The following ZEB2 variants were observed in gnomAD, a reference collection of about 807,000 sequenced individuals.
ZEB2 encodes the protein zinc finger E-box-binding homeobox 2.
In ZEB2, 6 loss-of-function variants were observed where a neutral mutation model predicts 99.9. That is an observed-to-expected ratio of 0.06 (90% confidence interval 0.03 to 0.12). The LOEUF (loss-of-function observed/expected upper bound fraction) is 0.12, where lower values mean the gene tolerates loss of function less well. Among genes scored for constraint, ZEB2 ranks in the 10% least tolerant of loss-of-function variants. ZEB2 has a pLI of 1.00. For missense variants in ZEB2, 969 were observed against 1,502.8 expected, an observed-to-expected ratio of 0.64 and a Z score of 5.87; for synonymous variants, 517 against 542.5, an observed-to-expected ratio of 0.95 and a Z score of 0.65.
At chr2:144,400,416 AC>A in intron 7 of ZEB2, 146 bp from the exon 8 acceptor site, 1 of 888,496 alleles carries the variant, frequency 1.1e-6, no homozygotes, top group Non-Finnish European at 1.7e-6. Flanking sequence ...GAATTATGTG[AC>A]CATAACCATT....
intron 2 of ZEB2, among the ~76,000 whole-genome samples, chr2:144,431,880 G>A (rs1388347452): frequency 6.6e-6 from 1 of 151,100 alleles, no homozygotes; most frequent in Non-Finnish European, 1.5e-5. Context: ...TAAGGCCTGG[G>A]AAGCTTTCAA....
In ZEB2 at chr2:144,493,982, C is replaced by A. The variant is rs1704722265; in HGVS notation, c.73+23296G>T. On this transcript the variant is annotated intron_variant, in intron 2 of 9. Transcript: ENST00000627532. Reference sequence around the variant, plus strand: ...CCTGGCTAACACAGTGAAACCCTGTCTCTACTAAAAATACAAAAAATTAGC... The same window carrying A: ...CCTGGCTAACACAGTGAAACCCTGTATCTACTAAAAATACAAAAAATTAGC... Among the ~76,000 whole-genome samples, 3 of 151,788 alleles carry A rather than the reference C, an allele frequency of 2.0e-5. No homozygotes were observed. The South Asian group carries it at 6.2e-4, about 32-fold the overall frequency.
intron 2 of ZEB2, among the ~76,000 whole-genome samples, chr2:144,479,399 C>A (rs753337093): frequency 6.6e-6 from 1 of 152,108 alleles, no homozygotes; most frequent in Non-Finnish European, 1.5e-5. Context: ...GCACCCCTCA[C>A]GGCTGTGTGG....
At chr2:144,517,701 C>T (rs1215720571) in intron 1 of ZEB2, 23 of 702,726 alleles carry the variant, frequency 3.3e-5, no homozygotes, top group Non-Finnish European at 5.2e-5. Flanking sequence ...TGAGGGAATG[C>T]ACACGGCGGT....
At chr2:144,484,080 T>C (rs1704557584) in intron 2 of ZEB2, among the ~76,000 whole-genome samples, 1 of 152,034 alleles carries the variant, frequency 6.6e-6, no homozygotes, top group Admixed American at 6.5e-5. Flanking sequence ...TTGATTGATT[T>C]TTCTTACGGA....
At position 144,512,078 on chromosome 2, in the gene ZEB2, G is replaced by A. The variant is rs922322777; in HGVS notation, c.73+5200C>T. Reference sequence around the variant, plus strand: ...GACAATTGCCCCCTTGTGGGAATGCGGGAATGAATGGTACAGTGGACACCC... The same window carrying A: ...GACAATTGCCCCCTTGTGGGAATGCAGGAATGAATGGTACAGTGGACACCC... On this transcript the variant is annotated intron_variant, in intron 2 of 9. Coordinates refer to ENST00000627532, the MANE Select transcript of ZEB2 (RefSeq NM_014795.4). The A allele has an allele frequency of 1.0e-5, 13 of 1,286,996 alleles. No individual in the cohort carries two copies. In the African/African-American group the frequency reaches 1.2e-4, roughly 12 times the overall value. 79.7% of individuals were successfully genotyped at this position (1,286,996 alleles called of 1,614,324 possible).
At chr2:144,414,818 G>C (rs543312795) in intron 4 of ZEB2, among the ~76,000 whole-genome samples, 3 of 152,086 alleles carry the variant, frequency 2.0e-5, no homozygotes, top group African/African-American at 7.2e-5. Context: ...TGCCTGACTT[G>C]GTACCATTTG....
chr2:144,468,576 T>G (rs1445664766), intron 2 of ZEB2, among the ~76,000 whole-genome samples: 1 of 151,990 alleles, frequency 6.6e-6, no homozygotes, highest in Non-Finnish European at 1.5e-5. Context: ...CTTTGATTCT[T>G]GAAGGGGTGG....
chr2:144,435,771 C>T (rs1182850052), intron 2 of ZEB2, among the ~76,000 whole-genome samples: 1 of 152,118 alleles, frequency 6.6e-6, no homozygotes, highest in African/African-American at 2.4e-5. Context: ...GGAAGACCTT[C>T]TAAGACTTTT....
At chr2:144,485,777 C>T (rs1262779131) in intron 2 of ZEB2, among the ~76,000 whole-genome samples, 1 of 152,098 alleles carries the variant, frequency 6.6e-6, no homozygotes, top group South Asian at 2.1e-4. Context: ...CGCCACCACG[C>T]CCGGCTAATT....
chr2:144,498,057 TAA>T lies in ZEB2; in HGVS notation c.73+19219_73+19220del, dbSNP rs1237293536. Among the ~76,000 whole-genome samples, 35 of 72,966 alleles carry T rather than the reference TAA, an allele frequency of 4.8e-4. 3 individuals are homozygous for T. The highest frequency in any genetic ancestry group is 4.5e-3 in the Middle Eastern group (1 of 220). 47.9% of individuals were successfully genotyped at this position (72,966 alleles called of 152,430 possible). ...ATATATATTAATATTATATATTATA[TAA>T]TATATATTAATATTATATATTATAT... On this transcript the variant is annotated intron_variant, in intron 2 of 9. Transcript: ENST00000627532.
chr2:144,409,776 C>T (rs557233633), intron 4 of ZEB2, among the ~76,000 whole-genome samples: 103 of 152,188 alleles, frequency 6.8e-4, no homozygotes, highest in African/African-American at 2.4e-3. Context: ...GTGGTCCCTG[C>T]TACTGGGGAG....
At chr2:144,402,162 C>T (rs1456437905) in intron 6 of ZEB2, among the ~76,000 whole-genome samples, 4 of 152,082 alleles carry the variant, frequency 2.6e-5, no homozygotes, top group African/African-American at 9.7e-5. Context: ...CACAGCTGAC[C>T]TTTTTGAACA....
chr2:144,452,276 C>A (rs1238659918), intron 2 of ZEB2, among the ~76,000 whole-genome samples: 1 of 151,936 alleles, frequency 6.6e-6, no homozygotes, highest in Non-Finnish European at 1.5e-5. Context: ...TTTTCTGTAC[C>A]ACATGCCACA....
intron 4 of ZEB2, among the ~76,000 whole-genome samples, chr2:144,413,166 T>A (rs1703488002): frequency 1.3e-5 from 2 of 152,208 alleles, no homozygotes; most frequent in Non-Finnish European, 2.9e-5. Flanking sequence ...CTGTATTCTT[T>A]TCAATTAAAA....
Position 144,400,137 on chromosome 2 carries a change from C to T in ZEB2, c.1050G>A (p.Thr350=), listed in dbSNP as rs532720008. Residue 350 remains threonine (T), a synonymous_variant, in exon 8 of 10, where the codon ACG becomes ACA. Coordinates refer to ENST00000627532, the MANE Select transcript of ZEB2 (RefSeq NM_014795.4). ...AAGAAACAGAATTAGGGGAAGAACC[C>T]GTCTTGATATTGTTTCTCATTCGGC... ...VNGRMRNNIK[T]GSSPNSVSSS... is the part of the protein sequence containing the mutation. The T allele has an allele frequency of 1.5e-5, 25 of 1,613,754 alleles. No homozygotes were observed. The highest frequency in any genetic ancestry group is 1.1e-4 in the South Asian group (10 of 91,080).
intron 2 of ZEB2, among the ~76,000 whole-genome samples, chr2:144,497,234 CTCT>C (rs2149922528): frequency 6.6e-6 from 1 of 152,260 alleles, no homozygotes; most frequent in South Asian, 2.1e-4. Context: ...ATCCTCTGTA[CTCT>C]CTCTGTATTG....
intron 2 of ZEB2, among the ~76,000 whole-genome samples, chr2:144,441,322 G>A (rs72858474): frequency 0.062 from 9,456 of 152,044 alleles, 345 homozygotes; most frequent in Middle Eastern, 0.12. Flanking sequence ...GCCGCTTGGC[G>A]GCCTAAGCCT....
intron 1 of ZEB2, chr2:144,518,907 A>G (rs2149936424): frequency 6.6e-6 from 1 of 152,298 alleles, no homozygotes; most frequent in East Asian, 1.9e-4. Flanking sequence ...AGAGAGAGAG[A>G]CAGGGCATTT....
Sources: allele counts gnomAD v4.1 joint callset (sites outside exome capture counted in the v4.1 genomes callset), GRCh38; gene constraint gnomAD v4.1.1; transcripts MANE v1.5; gene names NCBI Gene and HGNC (gene_info 2026-07-23, HGNC 2026-07-21).